Variants in OTUD7B observed in about 807,000 individuals in gnomAD.
The protein encoded by OTUD7B is OTU domain-containing protein 7B.
A neutral mutation model predicts 82.2 loss-of-function variants in OTUD7B; 34 were observed. The observed-to-expected ratio is 0.41, with a 90% CI of 0.31 to 0.55. OTUD7B has a LOEUF of 0.55. OTUD7B is among the 20% of genes least tolerant of loss of function. The probability of loss-of-function intolerance (pLI) is 0.20; values close to 1 mark genes in which losing one functional copy is unlikely to be tolerated. For synonymous variants in OTUD7B, 398 were observed against 402.7 expected, an observed-to-expected ratio of 0.99 and a Z score of 0.14; for missense variants, 944 against 1,062.1, an observed-to-expected ratio of 0.89 and a Z score of 1.55.
At position 149,947,293 on chromosome 1, in the gene OTUD7B, G is replaced by A. The variant is rs1553772366; in HGVS notation, c.1281C>T (p.Ser427=). The change falls in exon 11 of 12, where the codon AGC becomes AGT. Residue 427 remains serine (S), a synonymous_variant. Transcript: ENST00000581312. ...GTGGGATCCACTTCACATTCATGTA[G>A]CTATGCAGCAGATGCAATTTGACCT... ...SLEVKLHLLH[S]YMNVKWIPLS... The A allele has an allele frequency of 6.2e-7, 1 of 1,611,198 alleles. No homozygotes were observed. Among genetic ancestry groups the A allele is most frequent in the Admixed American group, 1.7e-5 (1 of 60,006 alleles).
the OTUD7B span, among the ~76,000 whole-genome samples, chr1:150,029,460 T>C: frequency 6.6e-5 from 10 of 152,336 alleles, no homozygotes; most frequent in South Asian, 2.1e-3. Context: ...CATAAGTAAC[T>C]ATAGTAAGTA....
At position 149,941,091 on chromosome 1, in the gene OTUD7B, C is replaced by T. The variant is rs1255959591; in HGVS notation, c.*2766G>A. ...TTACCATATTCACCCCTAGACCACC[C>T]CTCAAAATTTCCATCTTTTTTTATT... On this transcript the variant is annotated 3_prime_UTR_variant, in exon 12 of 12. Coordinates refer to ENST00000581312, the MANE Select transcript of OTUD7B (RefSeq NM_020205.4). 1 of 152,116 alleles carries T rather than the reference C, an allele frequency of 6.6e-6. No homozygotes were observed. The highest frequency in any genetic ancestry group is 1.5e-5 in the Non-Finnish European group (1 of 68,022). 9.4% of individuals were successfully genotyped at this position (152,116 alleles called of 1,614,324 possible). A position where few individuals can be genotyped will look rare whatever the true frequency, so the allele number is the denominator to read the frequency against.
rs1647331567 is a variant in OTUD7B, at chr1:149,942,587, A to G, written c.*1270T>C. The G allele has an allele frequency of 6.6e-6, 1 of 152,444 alleles. No individual in the cohort carries two copies. 9.4% of individuals were successfully genotyped at this position (152,444 alleles called of 1,614,324 possible). A position where few individuals can be genotyped will look rare whatever the true frequency, so the allele number is the denominator to read the frequency against. The stretch of plus-strand genomic sequence containing the variant: ...TTCACTAAAATATATTTCTCTAACT[A>G]CCTTTTTATAAATTGCCCCTATATG... On this transcript the variant is annotated 3_prime_UTR_variant, in exon 12 of 12. Coordinates refer to ENST00000581312, the MANE Select transcript of OTUD7B (RefSeq NM_020205.4).
chr1:149,983,893 G>A (rs1237294712), intron 1 of OTUD7B, among the ~76,000 whole-genome samples: 5 of 152,190 alleles, frequency 3.3e-5, no homozygotes, highest in Non-Finnish European at 7.3e-5. Flanking sequence ...AGTGAAGGTT[G>A]AGGGAAATGG....
chr1:149,982,074 G>A (rs1650776000), intron 1 of OTUD7B, among the ~76,000 whole-genome samples: 1 of 152,026 alleles, frequency 6.6e-6, no homozygotes, highest in Non-Finnish European at 1.5e-5. Flanking sequence ...ACGTGAACCC[G>A]GGAGGCGGAG....
At chr1:149,948,353 G>C (rs1231203399) in intron 10 of OTUD7B, among the ~76,000 whole-genome samples, 1 of 142,280 alleles carries the variant, frequency 7.0e-6, no homozygotes, top group East Asian at 2.1e-4. Flanking sequence ...CATGTGATTT[G>C]ATTATCCTGA....
chr1:149,994,051 T>A (rs1651767710), intron 1 of OTUD7B, among the ~76,000 whole-genome samples: 1 of 152,202 alleles, frequency 6.6e-6, no homozygotes, highest in Non-Finnish European at 1.5e-5. Flanking sequence ...ACACAAGCCA[T>A]CTGGTAAACA....
intron 2 of OTUD7B, among the ~76,000 whole-genome samples, chr1:149,975,491 A>T (rs1294187141): frequency 1.3e-5 from 2 of 152,252 alleles, no homozygotes; most frequent in Non-Finnish European, 2.9e-5. Flanking sequence ...ATAAAATAAC[A>T]TATCTCAAGT....
intron 1 of OTUD7B, among the ~76,000 whole-genome samples, chr1:150,009,889 A>C (rs1652916584): frequency 6.6e-6 from 1 of 151,802 alleles, no homozygotes; most frequent in African/African-American, 2.4e-5. Context: ...TCTTTTTTCT[A>C]AAGTTCTTAA....
chr1:150,026,536 T>C, the OTUD7B span, among the ~76,000 whole-genome samples: 89,888 of 151,590 alleles, frequency 0.59, 27,103 homozygotes, highest in South Asian at 0.74. Context: ...GCATAATACC[T>C]CCGTCTGCCT....
intron 1 of OTUD7B, among the ~76,000 whole-genome samples, chr1:149,994,214 T>C (rs1651776028): frequency 8.4e-6 from 1 of 119,146 alleles, no homozygotes; most frequent in Non-Finnish European, 1.7e-5. Context: ...CTTTCAAATG[T>C]ATTATTACCT....
intron 1 of OTUD7B, among the ~76,000 whole-genome samples, chr1:150,003,643 G>A (rs1299438910): frequency 3.3e-5 from 5 of 152,236 alleles, no homozygotes; most frequent in Admixed American, 6.5e-5. Context: ...TACGCTCCTC[G>A]TGGGTTCCTT....
chr1:150,054,650 A>G, the OTUD7B span: 22,667 of 333,982 alleles, frequency 0.068, 1,035 homozygotes, highest in Non-Finnish European at 0.092. Flanking sequence ...TCTACTAAAA[A>G]TACAAAAATT....
chr1:149,947,925 T>C (rs587613551), intron 10 of OTUD7B, among the ~76,000 whole-genome samples: 10 of 152,206 alleles, frequency 6.6e-5, no homozygotes, highest in African/African-American at 2.4e-4. Context: ...CATATTTTTC[T>C]TGCTATTAAA....
chr1:150,015,629 G>A (rs925322980), upstream of OTUD7B, among the ~76,000 whole-genome samples: 1 of 152,036 alleles, frequency 6.6e-6, no homozygotes, highest in African/African-American at 2.4e-5. Flanking sequence ...TTATTTCATG[G>A]ATGTTTTCTC....
intron 4 of OTUD7B, 25 bp downstream of exon 4, chr1:149,967,269 T>G (rs1272241420): frequency 5.9e-6 from 9 of 1,513,478 alleles, no homozygotes; most frequent in Non-Finnish European, 6.4e-6. Context: ...GAGGGAAGAG[T>G]GTGGGAGAGG....
At chr1:150,059,100 C>G in the OTUD7B span, among the ~76,000 whole-genome samples, 1 of 140,638 alleles carries the variant, frequency 7.1e-6, no homozygotes, top group Admixed American at 7.5e-5. Context: ...CTTGGCCAGG[C>G]TGGAGTGCAG....
chr1:150,049,629 C>CTCTTTTTTTTTTTTTTTTTTTT, the OTUD7B span, among the ~76,000 whole-genome samples: 2 of 43,468 alleles, frequency 4.6e-5, 1 homozygote, highest in Non-Finnish European at 8.7e-5. Context: ...CTCTCTCTCT[C>CTCTTTTTTTTTTTTTTTTTTTT]TTTCTTTTTT....
At chr1:149,985,737 A>G (rs1464942991) in intron 1 of OTUD7B, among the ~76,000 whole-genome samples, 1 of 55,412 alleles carries the variant, frequency 1.8e-5, no homozygotes, top group Non-Finnish European at 3.5e-5. Flanking sequence ...ACACAGTGAG[A>G]CCCTGTATGA....
Sources: gnomAD v4.1 joint callset for allele counts (sites outside exome capture counted in the v4.1 genomes callset) on GRCh38, gnomAD v4.1.1 for gene constraint, MANE v1.5 for transcripts, NCBI Gene and HGNC (gene_info 2026-07-23, HGNC 2026-07-21) for gene names.